ATP6V0A1: variants seen among roughly 807,000 people sequenced by gnomAD.
The protein encoded by ATP6V0A1 is V-type proton ATPase 116 kDa subunit a 1.
ATP6V0A1 carries 43 observed loss-of-function variants against 105.4 expected under a neutral mutation model. The observed-to-expected ratio is 0.41, with a 90% CI of 0.32 to 0.53. The LOEUF (loss-of-function observed/expected upper bound fraction) is 0.53. Ranked by LOEUF, ATP6V0A1 falls within the 20% of genes least tolerant of loss-of-function variation. The probability of loss-of-function intolerance (pLI) is 0.30; values close to 1 mark genes in which losing one functional copy is unlikely to be tolerated. For synonymous variants in ATP6V0A1, 362 were observed against 372.8 expected, an observed-to-expected ratio of 0.97 and a Z score of 0.33; for missense variants, 676 against 1,051.1, an observed-to-expected ratio of 0.64 and a Z score of 4.93.
intron 18 of ATP6V0A1, among the ~76,000 whole-genome samples, chr17:42,508,133 G>A (rs1047370457): frequency 6.6e-6 from 1 of 152,162 alleles, no homozygotes; most frequent in Non-Finnish European, 1.5e-5. Flanking sequence ...TTTACAGGGA[G>A]AGAGAGAATT....
intron 3 of ATP6V0A1, among the ~76,000 whole-genome samples, chr17:42,466,744 T>C (rs1431930470): frequency 6.6e-6 from 1 of 152,222 alleles, no homozygotes; most frequent in Non-Finnish European, 1.5e-5. Flanking sequence ...ACTGGTTGTT[T>C]TTTTGTGAGA....
In ATP6V0A1 at chr17:42,478,602, G is replaced by C. The variant is rs1272849682; in HGVS notation, c.633+13G>C. 3 of 1,562,990 alleles carry C rather than the reference G, an allele frequency of 1.9e-6. No individual in the cohort carries two copies. The highest frequency in any genetic ancestry group is 2.6e-6 in the Non-Finnish European group (3 of 1,149,118). On this transcript the variant is annotated intron_variant, in intron 7 of 21. Transcript: ENST00000343619. ...GGATCCTGTGACTGTAAGACAAGGA[G>C]ATTGCATCCTGTGGAGTAGGTCTTG... is the stretch of plus-strand genomic sequence containing the variant.
chr17:42,500,608 A>AG, intron 15 of ATP6V0A1, 99 bp from the exon 16 acceptor site: 1 of 910,074 alleles, frequency 1.1e-6, no homozygotes, highest in Non-Finnish European at 1.7e-6. Flanking sequence ...GACAGAATTG[A>AG]GGGGGTATTA....
intron 19 of ATP6V0A1, chr17:42,510,245 T>A (rs2092286621): frequency 6.6e-6 from 1 of 152,248 alleles, no homozygotes; most frequent in African/African-American, 2.4e-5. Flanking sequence ...CATCCATGCA[T>A]TCACTCACCC....
intron 4 of ATP6V0A1, among the ~76,000 whole-genome samples, chr17:42,469,323 CTTTTTTTTTTTT>C (rs58501978): frequency 3.9e-5 from 4 of 102,332 alleles, no homozygotes; most frequent in Non-Finnish European, 5.8e-5. Flanking sequence ...AAAGGAAAGA[CTTTTTTTTTTTT>C]TTTTTTTTTT....
chr17:42,477,656 G>A lies in ATP6V0A1; in HGVS notation c.424-4G>A, dbSNP rs1190919360. 6.2e-7 allele frequency: 1 copy of A among 1,613,438 alleles called. No individual in the cohort carries two copies. The highest frequency in any genetic ancestry group is 8.5e-7 in the Non-Finnish European group (1 of 1,179,772). ...GAATTCAGGCTGAATTGCATCATCA[G>A]CAGATGGCGGATCCAGACTTGTTGG... On this transcript the variant is annotated splice_region_variant and splice_polypyrimidine_tract_variant and intron_variant, in intron 5 of 21. Transcript: ENST00000343619.
rs953724138 is a variant in ATP6V0A1 at position 42,521,341 on chromosome 17, C to T, written c.*221C>T. The T allele has an allele frequency of 2.7e-6, 1 of 371,738 alleles. No individual in the cohort carries two copies. Among genetic ancestry groups the T allele is most frequent in the Non-Finnish European group, 4.8e-6 (1 of 206,618 alleles). The allele number at this position is 371,738 out of a possible 1,614,324, so 23.0% of individuals were successfully genotyped here. On this transcript the variant is annotated 3_prime_UTR_variant, in exon 22 of 22. Transcript: ENST00000343619. This position sits in a 1 kb window ranked among gnomAD's most constrained non-coding sequence, Gnocchi z 4.8. ...CTGGCTGTCACTCATACTCACTGGGCACCAGCCTTGCCCTCTTAGCCTCCA... is the reference window on the plus strand; with the variant it reads ...CTGGCTGTCACTCATACTCACTGGGTACCAGCCTTGCCCTCTTAGCCTCCA...
chr17:42,466,369 G>T (rs1304749236), intron 2 of ATP6V0A1, 60 bp from the exon 3 acceptor site: 2 of 1,433,272 alleles, frequency 1.4e-6, no homozygotes, highest in East Asian at 2.3e-5. Flanking sequence ...TGTGTTGCTT[G>T]AGAAACAGAA....
intron 8 of ATP6V0A1, among the ~76,000 whole-genome samples, chr17:42,481,734 A>G (rs1369370816): frequency 6.6e-6 from 1 of 152,222 alleles, no homozygotes; most frequent in African/African-American, 2.4e-5. Context: ...TTGGGGAAAA[A>G]TAACTCTTAA....
At chr17:42,470,011 T>A (rs2087676702) in intron 4 of ATP6V0A1, 79 bp from the exon 5 acceptor site, 3 of 1,370,400 alleles carry the variant, frequency 2.2e-6, no homozygotes, top group Non-Finnish European at 3.0e-6. Flanking sequence ...TGGCAACAGT[T>A]CTGTGGGATG....
intron 17 of ATP6V0A1, among the ~76,000 whole-genome samples, chr17:42,505,787 C>CTTTTTTTTTTTT (rs200710030): frequency 1.4e-5 from 2 of 143,120 alleles, no homozygotes; most frequent in Non-Finnish European, 1.5e-5. Context: ...TTTCATATGT[C>CTTTTTTTTTTTT]TTTTTTTTTT....
intron 5 of ATP6V0A1, 145 bp from the exon 6 acceptor site, chr17:42,477,515 A>G (rs990968100): frequency 1.9e-5 from 13 of 683,024 alleles, no homozygotes; most frequent in African/African-American, 1.8e-4. Context: ...TTTTATGGAT[A>G]TATCTTGTCT....
chr17:42,517,210 A>G (rs576521247), intron 21 of ATP6V0A1, among the ~76,000 whole-genome samples: 1 of 152,172 alleles, frequency 6.6e-6, no homozygotes, highest in South Asian at 2.1e-4. Flanking sequence ...AACCCAGGAG[A>G]TGGAGGTTGC....
At chr17:42,469,284 C>T (rs2087532426) in intron 4 of ATP6V0A1, among the ~76,000 whole-genome samples, 1 of 146,262 alleles carries the variant, frequency 6.8e-6, no homozygotes. Flanking sequence ...CAAAGAAAGA[C>T]TATTTTTTTG....
chr17:42,490,639 T>TAA lies in ATP6V0A1; in HGVS notation c.1174+9_1174+10dup, dbSNP rs762000978. 2 of 1,579,102 alleles carry TAA rather than the reference T, an allele frequency of 1.3e-6. No homozygotes were observed. The highest frequency in any genetic ancestry group is 4.5e-5 in the East Asian group (2 of 44,216). ...GAACTTACCGAGAGATAAATCCAGGTAAAAAAAAGCTTGTTATCTTTTTCC... is the reference window on the plus strand; with the variant it reads ...GAACTTACCGAGAGATAAATCCAGGTAAAAAAAAAAGCTTGTTATCTTTTTCC... On this transcript the variant is annotated splice_region_variant and intron_variant, in intron 11 of 21. Transcript: ENST00000343619.
At chr17:42,484,852 CT>C (rs10711845) in intron 9 of ATP6V0A1, among the ~76,000 whole-genome samples, 97,401 of 112,146 alleles carry the variant, frequency 0.87, 42,513 homozygotes, top group East Asian at 0.96. Context: ...CTTTTCTTTT[CT>C]TTTTTTTTTT....
intron 21 of ATP6V0A1, 27 bp from the exon 22 acceptor site, chr17:42,521,000 G>T: frequency 6.4e-7 from 1 of 1,553,780 alleles, no homozygotes; most frequent in South Asian, 1.2e-5. Context: ...TCTATTGAAT[G>T]ACAGCTTTCT....
intron 5 of ATP6V0A1, among the ~76,000 whole-genome samples, chr17:42,476,666 G>C (rs2088792927): frequency 6.6e-6 from 1 of 152,026 alleles, no homozygotes; most frequent in African/African-American, 2.4e-5. Context: ...GGATGAGTTC[G>C]GTAGAGAGAG....
At chr17:42,505,365 C>G (rs941728421) in intron 17 of ATP6V0A1, among the ~76,000 whole-genome samples, 6 of 152,174 alleles carry the variant, frequency 3.9e-5, no homozygotes, top group African/African-American at 1.4e-4. Context: ...ACCACCTCCC[C>G]CGGCTAATTT....
Sources: allele counts gnomAD v4.1 joint callset (sites outside exome capture counted in the v4.1 genomes callset), GRCh38; gene constraint gnomAD v4.1.1; non-coding constraint Gnocchi (gnomAD v3.1); transcripts MANE v1.5; gene names NCBI Gene and HGNC (gene_info 2026-07-23, HGNC 2026-07-21).